ASTN2: variants seen among roughly 807,000 people sequenced by gnomAD.
The protein encoded by ASTN2 is astrotactin-2.
ASTN2 carries 54 observed loss-of-function variants against 139.8 expected under a neutral mutation model. That is an observed-to-expected ratio of 0.39 (90% confidence interval 0.31 to 0.48). The LOEUF is 0.48. ASTN2 is among the 20% of genes least tolerant of loss of function. ASTN2 has a pLI of 0.95. For missense variants in ASTN2, 1,565 were observed against 1,725.1 expected (o/e 0.91, Z 1.64); for synonymous variants, 756 against 719.5 (o/e 1.05, Z -0.81).
chr9:116,487,800 G>C (rs1588106745), intron 19 of ASTN2, among the ~76,000 whole-genome samples: 1 of 151,538 alleles, frequency 6.6e-6, no homozygotes, highest in African/African-American at 2.4e-5. Flanking sequence ...AAGGTAGCAA[G>C]GATATTATGC....
chr9:117,295,218 A>G lies in ASTN2; in HGVS notation c.443-3705T>C, dbSNP rs558609254. Among the ~76,000 whole-genome samples, 5 of 152,272 alleles carry G rather than the reference A, an allele frequency of 3.3e-5. No individual in the cohort carries two copies. In the South Asian group the frequency reaches 1.0e-3, roughly 32 times the overall value. ...GTACCTGTAATCCCAGCTACTCAGG[A>G]GGCAGAGGCCCAAGAATCGCTTGAA... On this transcript the variant is annotated intron_variant, in intron 1 of 22. Transcript: ENST00000313400.
intron 5 of ASTN2, among the ~76,000 whole-genome samples, chr9:117,043,298 GA>G (rs1838634361): frequency 6.6e-6 from 1 of 152,182 alleles, no homozygotes; most frequent in East Asian, 1.9e-4. Context: ...GAAAGGTAGT[GA>G]GAGGCCCCTG....
chr9:116,959,344 C>A (rs954778178), intron 10 of ASTN2, among the ~76,000 whole-genome samples: 9 of 152,066 alleles, frequency 5.9e-5, no homozygotes, highest in Non-Finnish European at 1.2e-4. Context: ...CTGAAACCTC[C>A]AGAATGGAGC....
chr9:116,709,455 C>T (rs1828082599), intron 16 of ASTN2, among the ~76,000 whole-genome samples: 2 of 152,174 alleles, frequency 1.3e-5, no homozygotes, highest in Non-Finnish European at 2.9e-5. Flanking sequence ...GATAATGAAA[C>T]AGGACCCAAG....
At chr9:116,889,235 GA>G (rs1833696800) in intron 10 of ASTN2, among the ~76,000 whole-genome samples, 1 of 152,054 alleles carries the variant, frequency 6.6e-6, no homozygotes, top group African/African-American at 2.4e-5. Flanking sequence ...AAAAGAAGAG[GA>G]AAAAAGAAGG....
rs531269785 is a variant in ASTN2, at chr9:117,026,160, G to T, written c.1423+13659C>A. ...GCCAAGAAGTAGGCATCTGATCTTT[G>T]GTCTCACATCGGGATGCTGGTGCTT... On this transcript the variant is annotated intron_variant, in intron 6 of 22. Transcript: ENST00000313400. Among the ~76,000 whole-genome samples the T allele has an allele frequency of 2.2e-4, 33 of 151,466 alleles. No individual in the cohort carries two copies. The South Asian group carries it at 6.9e-3, about 32-fold the overall frequency.
chr9:117,362,823 T>C (rs1829730304), intron 1 of ASTN2, among the ~76,000 whole-genome samples: 1 of 152,044 alleles, frequency 6.6e-6, no homozygotes, highest in African/African-American at 2.4e-5. Context: ...GTGTGGAAAC[T>C]CTCACTCTGG....
chr9:116,813,816 C>T (rs934963644), intron 12 of ASTN2, among the ~76,000 whole-genome samples: 1 of 151,984 alleles, frequency 6.6e-6, no homozygotes, highest in Non-Finnish European at 1.5e-5. Context: ...TGGCGGATCA[C>T]CTGAGGTCAG....
intron 1 of ASTN2, among the ~76,000 whole-genome samples, chr9:117,303,043 AC>A (rs946643490): frequency 6.6e-6 from 1 of 151,940 alleles, no homozygotes; most frequent in African/African-American, 2.4e-5. Context: ...AGCTGAAGTG[AC>A]CCTCTAAGAG....
intron 13 of ASTN2, among the ~76,000 whole-genome samples, chr9:116,802,803 G>A (rs1456918586): frequency 2.0e-5 from 3 of 152,208 alleles, no homozygotes; most frequent in African/African-American, 7.2e-5. Flanking sequence ...CATGTTCATT[G>A]GCAGTCTGTT....
chr9:117,085,430 C>T (rs1828535905), intron 5 of ASTN2, among the ~76,000 whole-genome samples: 1 of 152,154 alleles, frequency 6.6e-6, no homozygotes, highest in South Asian at 2.1e-4. Flanking sequence ...TACAAGCTCC[C>T]AATGTGGCAT....
At chr9:116,679,787 G>T (rs902600647) in intron 16 of ASTN2, among the ~76,000 whole-genome samples, 1 of 152,102 alleles carries the variant, frequency 6.6e-6, no homozygotes, top group Non-Finnish European at 1.5e-5. Context: ...GGTACATAAC[G>T]AAATGAAGGC....
At chr9:116,983,615 G>T (rs1836581393) in intron 7 of ASTN2, among the ~76,000 whole-genome samples, 1 of 152,224 alleles carries the variant, frequency 6.6e-6, no homozygotes, top group South Asian at 2.1e-4. Context: ...ACTTAATTAT[G>T]CATTCGCTTC....
At chr9:117,279,037 T>C (rs1173999042) in intron 2 of ASTN2, among the ~76,000 whole-genome samples, 1 of 152,244 alleles carries the variant, frequency 6.6e-6, no homozygotes, top group East Asian at 1.9e-4. Flanking sequence ...AACTGGAGTT[T>C]TTAAAACGCT....
chr9:116,670,540 T>C (rs557824827), intron 16 of ASTN2, among the ~76,000 whole-genome samples: 1 of 152,228 alleles, frequency 6.6e-6, no homozygotes, highest in African/African-American at 2.4e-5. Context: ...GACATGAAAA[T>C]AATATGTTGG....
intron 19 of ASTN2, chr9:116,583,890 G>C (rs1393143832): frequency 6.6e-6 from 1 of 152,178 alleles, no homozygotes; most frequent in Non-Finnish European, 1.5e-5. Flanking sequence ...ATCTTCATGG[G>C]AGAAACTCTT....
intron 1 of ASTN2, among the ~76,000 whole-genome samples, chr9:117,410,290 G>T (rs1025505651): frequency 6.6e-6 from 1 of 152,180 alleles, no homozygotes; most frequent in Non-Finnish European, 1.5e-5. Flanking sequence ...CCCGGGGGCT[G>T]CCTGGAGGTA....
intron 6 of ASTN2, 140 bp from the exon 7 acceptor site, chr9:117,008,399 C>T (rs1040685168): frequency 1.0e-5 from 7 of 672,914 alleles, no homozygotes; most frequent in Admixed American, 3.9e-5. Flanking sequence ...GCAATGTGCC[C>T]GTCATGGTGT....
At chr9:116,909,488 C>G (rs1288611043) in intron 10 of ASTN2, among the ~76,000 whole-genome samples, 3 of 151,838 alleles carry the variant, frequency 2.0e-5, no homozygotes, top group Admixed American at 2.0e-4. Flanking sequence ...GTGGGAGAAA[C>G]AGGTTGAGGG....
Sources: allele counts gnomAD v4.1 joint callset (sites outside exome capture counted in the v4.1 genomes callset), GRCh38; gene constraint gnomAD v4.1.1; transcripts MANE v1.5; gene names NCBI Gene and HGNC (gene_info 2026-07-23, HGNC 2026-07-21).